Variants in TBC1D30 observed in about 807,000 individuals in gnomAD.
TBC1D30 encodes the protein TBC1 domain family member 30.
A neutral mutation model predicts 63.2 loss-of-function variants in TBC1D30; 31 were observed. The ratio of observed to expected loss-of-function variants is 0.49; its 90% CI spans 0.37 to 0.66. TBC1D30 has a LOEUF of 0.66. Among genes scored for constraint, TBC1D30 ranks in the 30% least tolerant of loss-of-function variants. TBC1D30 has a pLI of 0.00. For synonymous variants in TBC1D30, 307 were observed against 361.5 expected, an observed-to-expected ratio of 0.85 and a Z score of 1.71; for missense variants, 810 against 953.6, an observed-to-expected ratio of 0.85 and a Z score of 1.98.
intron 10 of TBC1D30, among the ~76,000 whole-genome samples, chr12:64,869,262 CT>C (rs1004837343): frequency 3.3e-5 from 5 of 152,090 alleles, no homozygotes; most frequent in Non-Finnish European, 2.9e-5. Context: ...GCTATCTTCT[CT>C]TTTTTTGGTT....
At chr12:64,847,820 G>A (rs1017960783) in intron 8 of TBC1D30, among the ~76,000 whole-genome samples, 2 of 152,100 alleles carry the variant, frequency 1.3e-5, no homozygotes, top group African/African-American at 4.8e-5. Context: ...CCTTGAGAAC[G>A]ATCCATATGC....
intron 2 of TBC1D30, among the ~76,000 whole-genome samples, chr12:64,801,095 T>C (rs1447034032): frequency 1.3e-5 from 2 of 152,220 alleles, no homozygotes; most frequent in South Asian, 2.1e-4. Context: ...CCTATACTTA[T>C]GTCTATTAGA....
In TBC1D30 at chr12:64,876,798, T is replaced by G. The variant is rs1879117928; in HGVS notation, c.*1010T>G. The G allele has an allele frequency of 4.4e-6, 2 of 456,010 alleles. No individual in the cohort carries two copies. The highest frequency in any genetic ancestry group is 4.7e-5 in the Admixed American group (2 of 42,562). The allele number at this position is 456,010 out of a possible 1,614,324, so 28.2% of individuals were successfully genotyped here. On this transcript the variant is annotated 3_prime_UTR_variant, in exon 12 of 12. Coordinates refer to ENST00000539867, the MANE Select transcript of TBC1D30 (RefSeq NM_015279.2). Reference sequence around the variant, plus strand: ...TGCCTTTCTCTGGAGAAGGCCCCAGTGCTTTCTAGCTCCCTCTCACTCCTG... The same window carrying G: ...TGCCTTTCTCTGGAGAAGGCCCCAGGGCTTTCTAGCTCCCTCTCACTCCTG...
chr12:64,772,237 CAAA>C (rs747871090), intron 1 of TBC1D30, among the ~76,000 whole-genome samples: 4 of 49,300 alleles, frequency 8.1e-5, no homozygotes, highest in African/African-American at 7.2e-5. Context: ...AACTCTGTCT[CAAA>C]AAAAAAAAAA....
rs968527706 is a variant in TBC1D30, at chr12:64,875,544, A to G, written c.2042A>G (p.His681Arg). 6.5e-7 allele frequency: 1 copy of G among 1,536,052 alleles called. No homozygotes were observed. Among genetic ancestry groups the G allele is most frequent in the African/African-American group, 1.4e-5 (1 of 73,034 alleles). Reference protein sequence around the residue: ...ELRVHPPCQRHCPEPPSAPEE... With the variant: ...ELRVHPPCQRRCPEPPSAPEE... ...AGGGTGCACCCACCCTGCCAGCGGCACTGCCCAGAGCCGCCGAGTGCACCC... is the reference window on the plus strand; with the variant it reads ...AGGGTGCACCCACCCTGCCAGCGGCGCTGCCCAGAGCCGCCGAGTGCACCC... Residue 681 changes from histidine to arginine, a missense_variant, in exon 12 of 12, where the codon CAC becomes CGC. This residue lies in a region of TBC1D30 where 450 missense variants were observed against 473.0 expected (regional missense o/e 0.95). Coordinates refer to ENST00000539867, the MANE Select transcript of TBC1D30 (RefSeq NM_015279.2).
At chr12:64,818,299 G>A (rs758313634) in intron 2 of TBC1D30, among the ~76,000 whole-genome samples, 3 of 152,172 alleles carry the variant, frequency 2.0e-5, no homozygotes, top group Non-Finnish European at 4.4e-5. Context: ...ATGAAATGGA[G>A]CTCTGGGAAA....
At chr12:64,772,301 T>C (rs887852898) in intron 1 of TBC1D30, among the ~76,000 whole-genome samples, 1 of 151,352 alleles carries the variant, frequency 6.6e-6, no homozygotes, top group Non-Finnish European at 1.5e-5. Context: ...CACATGCTTA[T>C]GCCCAGCAGA....
intron 8 of TBC1D30, among the ~76,000 whole-genome samples, chr12:64,859,950 C>A (rs778880943): frequency 6.6e-6 from 1 of 152,170 alleles, no homozygotes; most frequent in Non-Finnish European, 1.5e-5. Flanking sequence ...ACTCCCAGAG[C>A]CTCTGTTATT....
chr12:64,816,797 C>T (rs1239707183), intron 2 of TBC1D30, among the ~76,000 whole-genome samples: 6 of 151,608 alleles, frequency 4.0e-5, no homozygotes, highest in Admixed American at 6.6e-5. Flanking sequence ...TCCCTCCCTC[C>T]CTTCCTCCCT....
At chr12:64,821,418 G>T (rs892257959), upstream of TBC1D30, among the ~76,000 whole-genome samples, 3 of 152,136 alleles carry the variant, frequency 2.0e-5, no homozygotes, top group Non-Finnish European at 2.9e-5. Flanking sequence ...AGAGCTGATT[G>T]CTTGTCCTCT....
In TBC1D30 at chr12:64,870,798, C is replaced by T. The variant is rs1396536306; in HGVS notation, c.1488C>T (p.Tyr496=). The T allele has an allele frequency of 1.3e-6, 2 of 1,535,874 alleles. No individual in the cohort carries two copies. The highest frequency in any genetic ancestry group is 1.4e-5 in the African/African-American group (1 of 73,004). Residue 496 remains tyrosine (Y), a synonymous_variant, in exon 11 of 12, where the codon TAC becomes TAT. Transcript: ENST00000539867. The part of the protein sequence containing the change: ...KKQQQQVHQV[Y]IRADKGPVTS... The stretch of plus-strand genomic sequence containing the variant: ...AACAGCAGCAGGTTCATCAGGTGTA[C>T]ATCAGGGCAGGTAATGTGATTCTTC...
intron 1 of TBC1D30, among the ~76,000 whole-genome samples, chr12:64,772,046 A>G (rs1433435325): frequency 2.0e-5 from 3 of 151,978 alleles, no homozygotes; most frequent in African/African-American, 7.2e-5. Flanking sequence ...CCTGAGGTCG[A>G]GAGTTCTAGA....
At chr12:64,827,934 A>G in intron 2 of TBC1D30, 38 bp downstream of exon 2, 1 of 1,372,066 alleles carries the variant, frequency 7.3e-7, no homozygotes, top group South Asian at 1.3e-5. Flanking sequence ...TTTTGGGGTT[A>G]CCAACAGGGC....
At chr12:64,823,940 G>A (rs555891089), upstream of TBC1D30, among the ~76,000 whole-genome samples, 1 of 151,970 alleles carries the variant, frequency 6.6e-6, no homozygotes, top group Non-Finnish European at 1.5e-5. Flanking sequence ...TTTGTTTTTG[G>A]TTTATCCATT....
At chr12:64,762,204 G>A (rs1340532612) in intron 1 of TBC1D30, among the ~76,000 whole-genome samples, 1 of 152,196 alleles carries the variant, frequency 6.6e-6, no homozygotes, top group Admixed American at 6.5e-5. Context: ...CAAAGGTTCT[G>A]AGCTGGTGCA....
chr12:64,866,380 A>G (rs1337803037), intron 9 of TBC1D30, among the ~76,000 whole-genome samples: 6 of 152,188 alleles, frequency 3.9e-5, no homozygotes, highest in Admixed American at 1.3e-4. Context: ...ACTAGTTTCA[A>G]TGGGCAGAAG....
chr12:64,827,761 G>A (rs746297561), intron 1 of TBC1D30, 74 bp from the exon 2 acceptor site: 21 of 1,040,274 alleles, frequency 2.0e-5, no homozygotes, highest in Non-Finnish European at 2.6e-5. Context: ...GTAGAATCAA[G>A]CTTTTACTAG....
intron 6 of TBC1D30, 25 bp downstream of exon 6, chr12:64,836,683 C>T: frequency 1.3e-6 from 2 of 1,514,102 alleles, no homozygotes; most frequent in East Asian, 2.5e-5. Flanking sequence ...TATTATAACT[C>T]TGAAAATATT....
intron 5 of TBC1D30, among the ~76,000 whole-genome samples, chr12:64,833,797 C>A (rs532378437): frequency 8.6e-5 from 13 of 151,566 alleles, no homozygotes; most frequent in African/African-American, 3.2e-4. Context: ...AAGGCAGTGA[C>A]AAATACATGA....
Sources: allele counts gnomAD v4.1 joint callset (sites outside exome capture counted in the v4.1 genomes callset), GRCh38; gene constraint gnomAD v4.1.1; regional missense constraint gnomAD v4.1.1; transcripts MANE v1.5; gene names NCBI Gene and HGNC (gene_info 2026-07-23, HGNC 2026-07-21).